Variants in PTPRN2 observed in about 807,000 individuals in gnomAD.
PTPRN2 encodes the protein receptor-type tyrosine-protein phosphatase N2.
Under a neutral mutation model 118.8 loss-of-function variants are expected in PTPRN2, and 74 were observed. That is an observed-to-expected ratio of 0.62 (90% CI 0.52 to 0.76). The LOEUF (loss-of-function observed/expected upper bound fraction) is 0.76. PTPRN2 is among the 30% of genes least tolerant of loss of function. The pLI is 0.00. For missense variants in PTPRN2, 1,481 were observed against 1,394.4 expected (o/e 1.06, Z -0.99); for synonymous variants, 641 against 608.0 (o/e 1.05, Z -0.80).
At chr7:157,727,308 G>C (rs1206358715) in intron 12 of PTPRN2, among the ~76,000 whole-genome samples, 1 of 152,236 alleles carries the variant, frequency 6.6e-6, no homozygotes, top group Non-Finnish European at 1.5e-5. Context: ...AGAGGAGGGG[G>C]TGCAGACATA....
intron 4 of PTPRN2, among the ~76,000 whole-genome samples, chr7:158,192,768 C>G (rs1825883497): frequency 1.3e-5 from 2 of 152,156 alleles, no homozygotes; most frequent in South Asian, 4.1e-4. Context: ...AAAAGCAATA[C>G]ATGGGAAACA....
rs1802253437 is a variant in PTPRN2, at chr7:157,610,267, AC to A, written c.2345-6193del. On this transcript the variant is annotated intron_variant, in intron 15 of 22. Transcript: ENST00000389418. The surrounding 1 kb of genome is among the most constrained non-coding windows in gnomAD (Gnocchi z 5.1). ...TCCCTCCTCCCAGGGGCCTCACGGA[AC>A]TCGGCAATGGGGTTCCTTCCACTCA... 6.6e-6 allele frequency among the ~76,000 whole-genome samples: 1 copy of A among 151,994 alleles called. No homozygotes were observed. The highest frequency in any genetic ancestry group is 2.1e-4 in the South Asian group (1 of 4,818).
intron 11 of PTPRN2, among the ~76,000 whole-genome samples, chr7:158,056,312 C>G (rs756185004): frequency 6.6e-6 from 1 of 152,246 alleles, no homozygotes; most frequent in Non-Finnish European, 1.5e-5. Flanking sequence ...CTCATCCACA[C>G]AGAGGCCGGG....
chr7:157,925,809 C>CTGGTGGT (rs1798947961), intron 11 of PTPRN2, among the ~76,000 whole-genome samples: 1 of 152,066 alleles, frequency 6.6e-6, no homozygotes, highest in Non-Finnish European at 1.5e-5. Flanking sequence ...GCCACCGAGA[C>CTGGTGGT]AATCAGGAAC....
intron 14 of PTPRN2, among the ~76,000 whole-genome samples, chr7:157,634,985 G>A (rs992711335): frequency 2.6e-5 from 4 of 152,182 alleles, no homozygotes; most frequent in Non-Finnish European, 2.9e-5. Context: ...AGCATGTCTC[G>A]AGTGTGACGT....
chr7:158,117,381 AAAGATTG>A (rs1233944477), intron 9 of PTPRN2, among the ~76,000 whole-genome samples: 1 of 152,200 alleles, frequency 6.6e-6, no homozygotes, highest in Non-Finnish European at 1.5e-5. Flanking sequence ...AAATAGAAAA[AAAGATTG>A]AAGAAAAGTG....
intron 3 of PTPRN2, among the ~76,000 whole-genome samples, chr7:158,281,502 G>A (rs983514879): frequency 7.2e-5 from 11 of 152,336 alleles, no homozygotes; most frequent in African/African-American, 2.6e-4. Flanking sequence ...AAGAGACATT[G>A]TCATATGCCC....
At chr7:157,887,881 C>T in intron 12 of PTPRN2, among the ~76,000 whole-genome samples, 1 of 145,004 alleles carries the variant, frequency 6.9e-6, no homozygotes, top group Non-Finnish European at 1.5e-5. Context: ...CCCCCAGTAC[C>T]TGCTCTCCAC....
At chr7:157,940,189 C>T (rs953835171) in intron 11 of PTPRN2, among the ~76,000 whole-genome samples, 5 of 152,276 alleles carry the variant, frequency 3.3e-5, no homozygotes, top group East Asian at 3.9e-4. Context: ...GGTCTGTCAG[C>T]GATGGTGGTG....
At chr7:158,276,551 C>T (rs1224205423) in intron 3 of PTPRN2, among the ~76,000 whole-genome samples, 1 of 152,200 alleles carries the variant, frequency 6.6e-6, no homozygotes, top group East Asian at 1.9e-4. Context: ...GCAGCACCCC[C>T]ACACCCTGGC....
chr7:157,833,314 G>A (rs1053033105), intron 12 of PTPRN2, among the ~76,000 whole-genome samples: 3 of 148,492 alleles, frequency 2.0e-5, no homozygotes, highest in African/African-American at 5.0e-5. Context: ...CCTGTATGAC[G>A]GTGAACTCGT....
intron 12 of PTPRN2, among the ~76,000 whole-genome samples, chr7:157,739,654 TC>T (rs1418346678): frequency 6.6e-6 from 1 of 152,196 alleles, no homozygotes; most frequent in Non-Finnish European, 1.5e-5. Flanking sequence ...GAGCTCTTTC[TC>T]CCCAGGTGTG....
chr7:157,840,131 G>A, intron 12 of PTPRN2, among the ~76,000 whole-genome samples: 1 of 150,434 alleles, frequency 6.6e-6, no homozygotes, highest in South Asian at 2.1e-4. Context: ...GTGACTGTGT[G>A]GCCGTCACTG....
At chr7:158,194,968 T>C (rs1305916037) in intron 4 of PTPRN2, among the ~76,000 whole-genome samples, 1 of 152,218 alleles carries the variant, frequency 6.6e-6, no homozygotes, top group Non-Finnish European at 1.5e-5. Flanking sequence ...TACACTTTCA[T>C]CATTTTTGTT....
In PTPRN2 at chr7:158,544,174, C is replaced by CCT. The variant is rs1563417658; in HGVS notation, c.112+43382_112+43383dup. ...GTCCACACTCTGCCCGCATGATCTG[C>CCT]CTCTCCCCAAAACAGACTATCATTA... is the stretch of plus-strand genomic sequence containing the variant. On this transcript the variant is annotated intron_variant, in intron 1 of 22. Coordinates refer to ENST00000389418, the MANE Select transcript of PTPRN2 (RefSeq NM_002847.5). The surrounding 1 kb of genome is among the most constrained non-coding windows in gnomAD (Gnocchi z 4.2). 6.6e-6 allele frequency among the ~76,000 whole-genome samples: 1 copy of CCT among 152,124 alleles called. No homozygotes were observed.
Position 158,340,081 on chromosome 7 carries a change from C to A in PTPRN2, c.164-23149G>T, listed in dbSNP as rs1178823863. On this transcript the variant is annotated intron_variant, in intron 2 of 22. Coordinates refer to ENST00000389418, the MANE Select transcript of PTPRN2 (RefSeq NM_002847.5). ...CACACTGTCACCATAAGAGGTGACA[C>A]CTGCAGACGTCACTCACACCCACAC... is the stretch of plus-strand genomic sequence containing the variant. Among the ~76,000 whole-genome samples the A allele has an allele frequency of 5.7e-4, 42 of 74,070 alleles. 1 individual carries two copies. The highest frequency in any genetic ancestry group is 1.1e-3 in the Non-Finnish European group (38 of 33,988). 48.6% of individuals were successfully genotyped at this position (74,070 alleles called of 152,430 possible). A position where few individuals can be genotyped will look rare whatever the true frequency, so the allele number is the denominator to read the frequency against.
chr7:158,235,912 A>G (rs1457720664), intron 3 of PTPRN2, among the ~76,000 whole-genome samples: 1 of 149,866 alleles, frequency 6.7e-6, no homozygotes, highest in African/African-American at 2.5e-5. Context: ...ATTTTTCTAC[A>G]CTCGGCACCT....
At chr7:158,245,026 G>C (rs1341935682) in intron 3 of PTPRN2, among the ~76,000 whole-genome samples, 2 of 152,216 alleles carry the variant, frequency 1.3e-5, no homozygotes, top group African/African-American at 4.8e-5. Context: ...ACGTCGTCTT[G>C]AGGATGGCCT....
chr7:157,542,385 T>A (rs1798052968), intron 22 of PTPRN2, among the ~76,000 whole-genome samples: 1 of 150,386 alleles, frequency 6.6e-6, no homozygotes, highest in South Asian at 2.1e-4. Flanking sequence ...CATCTATCTA[T>A]TTACATCTTC....
Sources: gnomAD v4.1 joint callset for allele counts (sites outside exome capture counted in the v4.1 genomes callset) on GRCh38, gnomAD v4.1.1 for gene constraint, Gnocchi (gnomAD v3.1) non-coding constraint, MANE v1.5 for transcripts, NCBI Gene and HGNC (gene_info 2026-07-23, HGNC 2026-07-21) for gene names.